Variants in ENPP6 observed in about 807,000 individuals in gnomAD.
The protein encoded by ENPP6 is glycerophosphocholine cholinephosphodiesterase ENPP6.
A neutral mutation model predicts 42.0 loss-of-function variants in ENPP6; 32 were observed. That is an observed-to-expected ratio of 0.76 (90% CI 0.58 to 1.02). The LOEUF is 1.02. ENPP6 is among the 50% of genes least tolerant of loss of function. The pLI is 0.00. For synonymous variants in ENPP6, 213 were observed against 216.0 expected, an observed-to-expected ratio of 0.99 and a Z score of 0.12; for missense variants, 552 against 566.8, an observed-to-expected ratio of 0.97 and a Z score of 0.27.
At chr4:184,189,923 G>T (rs1359626503) in intron 1 of ENPP6, among the ~76,000 whole-genome samples, 2 of 152,208 alleles carry the variant, frequency 1.3e-5, no homozygotes, top group Admixed American at 1.3e-4. Context: ...GGAGACAAGT[G>T]GTTGGATTTG....
chr4:184,187,908 T>C (rs1732658199), intron 1 of ENPP6, among the ~76,000 whole-genome samples: 1 of 152,152 alleles, frequency 6.6e-6, no homozygotes, highest in African/African-American at 2.4e-5. Flanking sequence ...CTGAAAATAT[T>C]TTGTTGAATG....
intron 6 of ENPP6, among the ~76,000 whole-genome samples, chr4:184,106,010 C>T (rs1027956838): frequency 1.3e-5 from 2 of 151,408 alleles, no homozygotes; most frequent in African/African-American, 4.9e-5. Flanking sequence ...TGTGGTTTCC[C>T]ACTGAACTTA....
At chr4:184,131,218 TTTTC>T (rs1211370845) in intron 2 of ENPP6, among the ~76,000 whole-genome samples, 2 of 69,948 alleles carry the variant, frequency 2.9e-5, no homozygotes, top group East Asian at 3.4e-4. Flanking sequence ...CTTTCTTTCT[TTTTC>T]TTTCTTTCTT....
intron 1 of ENPP6, among the ~76,000 whole-genome samples, chr4:184,178,292 T>C (rs1012921820): frequency 6.6e-6 from 1 of 151,918 alleles, no homozygotes; most frequent in Non-Finnish European, 1.5e-5. Context: ...ACTATCTTGC[T>C]GAAATAAGAC....
chr4:184,137,285 TG>T (rs1736744184), intron 2 of ENPP6, among the ~76,000 whole-genome samples: 1 of 152,094 alleles, frequency 6.6e-6, no homozygotes, highest in Admixed American at 6.5e-5. Context: ...TTAATAGAGA[TG>T]GAGTTTCACC....
At chr4:184,172,775 T>G (rs1013625713) in intron 1 of ENPP6, among the ~76,000 whole-genome samples, 35 of 152,346 alleles carry the variant, frequency 2.3e-4, no homozygotes, top group African/African-American at 8.4e-4. Context: ...AATCTCACTT[T>G]TCTTGGCTTT....
At chr4:184,157,587 CCTTTCCTTT>C (rs1342194372) in intron 1 of ENPP6, among the ~76,000 whole-genome samples, 2 of 143,838 alleles carry the variant, frequency 1.4e-5, no homozygotes, top group Non-Finnish European at 3.0e-5. Context: ...TTTTTTCCTT[CCTTTCCTTT>C]CTTTCCTTCC....
At chr4:184,167,538 A>G (rs1737372051) in intron 1 of ENPP6, among the ~76,000 whole-genome samples, 1 of 152,246 alleles carries the variant, frequency 6.6e-6, no homozygotes, top group Admixed American at 6.5e-5. Flanking sequence ...TGAACTAATC[A>G]GGGACGTTAC....
chr4:184,217,852 CA>C lies in ENPP6; in HGVS notation c.-34del. 5.0e-6 allele frequency: 8 copies of C among 1,604,710 alleles called. No homozygotes were observed. Among genetic ancestry groups the C allele is most frequent in the Non-Finnish European group, 6.8e-6 (8 of 1,176,020 alleles). On this transcript the variant is annotated 5_prime_UTR_variant, in exon 1 of 8. Coordinates refer to ENST00000296741, the MANE Select transcript of ENPP6 (RefSeq NM_153343.4). ...GGAGCCTGCCAGAGCCCGGCTGGCA[CA>C]GCTGTCGCCTTGCAAAGACTGAGGA...
At chr4:184,216,936 G>C (rs1004396788) in intron 1 of ENPP6, 1 of 152,152 alleles carries the variant, frequency 6.6e-6, no homozygotes, top group African/African-American at 2.4e-5. Flanking sequence ...TTGGTCTTTT[G>C]TAGATGCTGC....
intron 2 of ENPP6, among the ~76,000 whole-genome samples, chr4:184,142,212 C>T (rs1021542992): frequency 5.9e-5 from 9 of 152,194 alleles, no homozygotes; most frequent in African/African-American, 2.2e-4. Flanking sequence ...TTCCTAGAGC[C>T]TAGGTTTCCC....
intron 1 of ENPP6, among the ~76,000 whole-genome samples, chr4:184,168,004 C>A (rs541936766): frequency 4.1e-4 from 63 of 152,142 alleles, no homozygotes; most frequent in Middle Eastern, 6.8e-3. Context: ...GTAGACTCCA[C>A]GGGAATAGGG....
chr4:184,118,667 C>T (rs4073444), intron 3 of ENPP6, among the ~76,000 whole-genome samples: 46,487 of 152,108 alleles, frequency 0.31, 7,512 homozygotes, highest in Admixed American at 0.43. Context: ...GCTGAGACCT[C>T]TTGCCTGTCT....
chr4:184,193,920 C>A (rs1375899971), intron 1 of ENPP6, among the ~76,000 whole-genome samples: 2 of 152,192 alleles, frequency 1.3e-5, no homozygotes, highest in African/African-American at 4.8e-5. Context: ...CAGTTTGATG[C>A]TACTGACTTT....
chr4:184,170,282 T>C (rs1292735241), intron 1 of ENPP6, among the ~76,000 whole-genome samples: 1 of 152,026 alleles, frequency 6.6e-6, no homozygotes, highest in African/African-American at 2.4e-5. Context: ...ATACAAAAAT[T>C]AGCTGTGTGT....
intron 2 of ENPP6, among the ~76,000 whole-genome samples, chr4:184,144,086 G>T (rs564161532): frequency 4.6e-5 from 7 of 152,336 alleles, no homozygotes; most frequent in Non-Finnish European, 8.8e-5. Flanking sequence ...CCACCTTTCT[G>T]CTCTAGGAGG....
At chr4:184,208,163 C>G (rs2871396) in intron 1 of ENPP6, among the ~76,000 whole-genome samples, 9,976 of 152,080 alleles carry the variant, frequency 0.066, 443 homozygotes, top group African/African-American at 0.12. Flanking sequence ...CACCCATTCG[C>G]GAGTGTTCTG....
At chr4:184,200,066 C>G (rs532856740) in intron 1 of ENPP6, among the ~76,000 whole-genome samples, 1 of 152,312 alleles carries the variant, frequency 6.6e-6, no homozygotes, top group South Asian at 2.1e-4. Context: ...CTGCTGCTGC[C>G]CAGTGCCACC....
At chr4:184,151,758 G>A (rs1376509105) in intron 2 of ENPP6, among the ~76,000 whole-genome samples, 2 of 152,088 alleles carry the variant, frequency 1.3e-5, no homozygotes, top group Non-Finnish European at 2.9e-5. Flanking sequence ...TGACCTCAAA[G>A]TGCAACAAAA....
Sources: gnomAD v4.1 joint callset for allele counts (sites outside exome capture counted in the v4.1 genomes callset) on GRCh38, gnomAD v4.1.1 for gene constraint, MANE v1.5 for transcripts, NCBI Gene and HGNC (gene_info 2026-07-23, HGNC 2026-07-21) for gene names.